ZNF431: variants seen among roughly 807,000 people sequenced by gnomAD.
ZNF431 encodes zinc finger protein 431.
Under a neutral mutation model 57.0 loss-of-function variants are expected in ZNF431, and 34 were observed. The ratio of observed to expected loss-of-function variants is 0.60; its 90% CI spans 0.45 to 0.79. The LOEUF (loss-of-function observed/expected upper bound fraction) is 0.79. ZNF431 is among the 30% of genes least tolerant of loss of function. The pLI is 0.00. For synonymous variants in ZNF431, 207 were observed against 220.3 expected (o/e 0.94, Z 0.54); for missense variants, 607 against 667.1 (o/e 0.91, Z 0.99).
chr19:21,147,218 G>A (rs748710357), intron 2 of ZNF431, among the ~76,000 whole-genome samples: 2 of 152,172 alleles, frequency 1.3e-5, no homozygotes, highest in Non-Finnish European at 2.9e-5. Context: ...TGGGCACAGT[G>A]GCTCCTGCCT....
chr19:21,185,501 C>G lies in ZNF431; in HGVS notation c.*1467C>G, dbSNP rs1355244981. 1 of 152,220 alleles carries G rather than the reference C, an allele frequency of 6.6e-6. No individual in the cohort carries two copies. 9.4% of individuals were successfully genotyped at this position (152,220 alleles called of 1,614,324 possible). A position where few individuals can be genotyped will look rare whatever the true frequency, so the allele number is the denominator to read the frequency against. ...TTTGAGACTGAGTTTCACTCTTTCG[C>G]CCAGGCTGGAGTGCATTGGCATGAT... On this transcript the variant is annotated 3_prime_UTR_variant, in exon 5 of 5. Transcript: ENST00000311048.
At chr19:21,143,463 T>C in intron 1 of ZNF431, 88 bp from the exon 2 acceptor site, 1 of 1,036,482 alleles carries the variant, frequency 9.6e-7, no homozygotes, top group Admixed American at 1.9e-5. Flanking sequence ...GTTTCAGTGC[T>C]GTCTGGGGAT....
At chr19:21,156,923 C>T (rs780095763) in intron 2 of ZNF431, among the ~76,000 whole-genome samples, 11 of 152,076 alleles carry the variant, frequency 7.2e-5, no homozygotes, top group African/African-American at 1.2e-4. Flanking sequence ...TACATCCATG[C>T]ACCACCATGC....
intron 2 of ZNF431, among the ~76,000 whole-genome samples, chr19:21,156,516 T>C (rs1168837801): frequency 2.0e-5 from 3 of 152,184 alleles, no homozygotes; most frequent in Non-Finnish European, 4.4e-5. Context: ...TGATCCTTTT[T>C]GTCCTTTCGT....
At chr19:21,149,580 C>CT (rs34768153) in intron 2 of ZNF431, 153,606 of 197,822 alleles carry the variant, frequency 0.78, 59,845 homozygotes, top group Middle Eastern at 0.86. Flanking sequence ...CAATTTCTTT[C>CT]TTTTTTTTGA....
rs1455215035 is a variant in ZNF431, at chr19:21,162,145, TGTGTGTG to T, written c.97-4189_97-4183del. On this transcript the variant is annotated intron_variant, in intron 2 of 4. Coordinates refer to ENST00000311048, the MANE Select transcript of ZNF431 (RefSeq NM_133473.4). ...GTGCCTGTCACCACATCCAGCTAAT[TGTGTGTG>T]TGTGTGTGTGTGTGTGTGTGTGTGT... 2.7e-3 allele frequency among the ~76,000 whole-genome samples: 344 copies of T among 125,328 alleles called. 2 individuals are homozygous for T. The highest frequency in any genetic ancestry group is 5.4e-3 in the African/African-American group (166 of 30,778). 82.2% of individuals were successfully genotyped at this position (125,328 alleles called of 152,430 possible).
At chr19:21,167,434 C>G (rs1188815014) in intron 3 of ZNF431, 137 bp from the exon 4 acceptor site, 30 of 447,958 alleles carry the variant, frequency 6.7e-5, no homozygotes, top group Non-Finnish European at 8.4e-5. Context: ...GCTGAGATAA[C>G]AGGTGTGAGC....
At position 21,166,324 on chromosome 19, in the gene ZNF431, G is replaced by A. The variant is rs755472025; in HGVS notation, c.97-11G>A. 1 of 1,611,656 alleles carries A rather than the reference G, an allele frequency of 6.2e-7. No individual in the cohort carries two copies. Among genetic ancestry groups the A allele is most frequent in the Admixed American group, 1.7e-5 (1 of 59,432 alleles). On this transcript the variant is annotated splice_polypyrimidine_tract_variant and intron_variant, in intron 2 of 4. Transcript: ENST00000311048. Reference sequence around the variant, plus strand: ...TAAATATATGTGTGTCTCTGTGCTTGTGTTTTTCAGGAGACATTGACATTT... The same window carrying A: ...TAAATATATGTGTGTCTCTGTGCTTATGTTTTTCAGGAGACATTGACATTT...
At position 21,167,643 on chromosome 19, in the gene ZNF431, A is replaced by G; in HGVS notation, c.296A>G (p.His99Arg). 4 of 1,587,082 alleles carry G rather than the reference A, an allele frequency of 2.5e-6. No individual in the cohort carries two copies. The highest frequency in any genetic ancestry group is 2.2e-5 in the South Asian group (2 of 89,318). ...AAAGAGCCCTGGAATATGAAGAGAC[A>G]TGAGATGGTGGATGAACCCCCAGGT... The part of the protein sequence containing the change: ...QEKEPWNMKR[H>R]EMVDEPPAMC... The change falls in exon 4 of 5, where the codon CAT (histidine) becomes CGT (arginine). Residue 99 changes from histidine (H) to arginine (R), a missense_variant. By Grantham distance (29) the His-to-Arg change is conservative. Coordinates refer to ENST00000311048, the MANE Select transcript of ZNF431 (RefSeq NM_133473.4).
intron 2 of ZNF431, chr19:21,150,047 G>T: frequency 1.6e-6 from 1 of 608,376 alleles, no homozygotes. Context: ...AAGGACACGT[G>T]GTCTCTTAAT....
rs1332638392 is a variant in ZNF431 at position 21,193,793 on chromosome 19, A to C, written c.*9759A>C. On this transcript the variant is annotated 3_prime_UTR_variant, in exon 5 of 5. Transcript: ENST00000311048. ...ACAATTAAAAGCAAAAATTTATATG[A>C]TTAACACAATAGATGCAGAAAAAGC... The C allele has an allele frequency of 6.6e-6, 1 of 152,230 alleles. No individual in the cohort carries two copies. The highest frequency in any genetic ancestry group is 1.5e-5 in the Non-Finnish European group (1 of 68,044). The allele number at this position is 152,230 out of a possible 1,614,324, so 9.4% of individuals were successfully genotyped here.
chr19:21,185,857 A>G lies in ZNF431; in HGVS notation c.*1823A>G, dbSNP rs1349858441. The G allele has an allele frequency of 7.3e-5, 11 of 150,328 alleles. No individual in the cohort carries two copies. The highest frequency in any genetic ancestry group is 2.6e-4 in the Admixed American group (4 of 15,174). The allele number at this position is 150,328 out of a possible 1,614,324, so 9.3% of individuals were successfully genotyped here. A position where few individuals can be genotyped will look rare whatever the true frequency, so the allele number is the denominator to read the frequency against. ...GCATTTCTCCTTTGTTTTACAAACA[A>G]TCCAATTCTACACTTTAAAAAAAAA... On this transcript the variant is annotated 3_prime_UTR_variant, in exon 5 of 5. Coordinates refer to ENST00000311048, the MANE Select transcript of ZNF431 (RefSeq NM_133473.4).
At chr19:21,142,443 C>G (rs760395238) in intron 1 of ZNF431, among the ~76,000 whole-genome samples, 1 of 152,216 alleles carries the variant, frequency 6.6e-6, no homozygotes, top group African/African-American at 2.4e-5. Flanking sequence ...CAGCTCTGCA[C>G]CCGCAGCACC....
At position 21,194,389 on chromosome 19, in the gene ZNF431, A is replaced by G. The variant is rs1016540318; in HGVS notation, c.*10355A>G. ...ATAAAAAAGCTTTCTATGCTCATGGATTTGAAGAATGAATAGAAAATGTCT... is the reference window on the plus strand; with the variant it reads ...ATAAAAAAGCTTTCTATGCTCATGGGTTTGAAGAATGAATAGAAAATGTCT... On this transcript the variant is annotated 3_prime_UTR_variant, in exon 5 of 5. Coordinates refer to ENST00000311048, the MANE Select transcript of ZNF431 (RefSeq NM_133473.4). The G allele has an allele frequency of 2.0e-5, 3 of 152,206 alleles. No homozygotes were observed. Among genetic ancestry groups the G allele is most frequent in the Non-Finnish European group, 4.4e-5 (3 of 68,036 alleles). The allele number at this position is 152,206 out of a possible 1,614,324, so 9.4% of individuals were successfully genotyped here. A position where few individuals can be genotyped will look rare whatever the true frequency, so the allele number is the denominator to read the frequency against.
intron 4 of ZNF431, among the ~76,000 whole-genome samples, chr19:21,181,142 A>G (rs71339741): frequency 0.025 from 3,796 of 152,234 alleles, 69 homozygotes; most frequent in Non-Finnish European, 0.037. Context: ...TTATAATGCT[A>G]AGAAATTCCA....
At position 21,192,940 on chromosome 19, in the gene ZNF431, T is replaced by C. The variant is rs1015774233; in HGVS notation, c.*8906T>C. On this transcript the variant is annotated 3_prime_UTR_variant, in exon 5 of 5. Coordinates refer to ENST00000311048, the MANE Select transcript of ZNF431 (RefSeq NM_133473.4). ...AGTCAGAGACTACTATGAACATCTC[T>C]ATGCCTGCAAAATAGAAAATTTGGA... is the stretch of plus-strand genomic sequence containing the variant. 1 of 152,204 alleles carries C rather than the reference T, an allele frequency of 6.6e-6. No homozygotes were observed. Among genetic ancestry groups the C allele is most frequent in the Non-Finnish European group, 1.5e-5 (1 of 68,038 alleles). The allele number at this position is 152,204 out of a possible 1,614,324, so 9.4% of individuals were successfully genotyped here.
In ZNF431 at chr19:21,184,147, C is replaced by T. The variant is rs536880512; in HGVS notation, c.*113C>T. ...TGGGTGGATCACAAGGTCAAGAGAT[C>T]GAGACCATCCTGGCCAACATGGTGA... On this transcript the variant is annotated 3_prime_UTR_variant, in exon 5 of 5. Coordinates refer to ENST00000311048, the MANE Select transcript of ZNF431 (RefSeq NM_133473.4). 1,569 of 889,116 alleles carry T rather than the reference C, an allele frequency of 1.8e-3. 1 individual carries two copies. Among genetic ancestry groups the T allele is most frequent in the Non-Finnish European group, 2.1e-3 (1,239 of 594,042 alleles). The allele number at this position is 889,116 out of a possible 1,614,324, so 55.1% of individuals were successfully genotyped here.
Position 21,190,268 on chromosome 19 carries a change from GTTTA to G in ZNF431, c.*6237_*6240del, listed in dbSNP as rs1971480652. On this transcript the variant is annotated 3_prime_UTR_variant, in exon 5 of 5. Transcript: ENST00000311048. The stretch of plus-strand genomic sequence containing the variant: ...TTATTTACTCATTAGATGTTGAACT[GTTTA>G]TTCTGTATTTTGGCTATTGTGAAAC... 1 of 167,018 alleles carries G rather than the reference GTTTA, an allele frequency of 6.0e-6. No individual in the cohort carries two copies. Among genetic ancestry groups the G allele is most frequent in the Non-Finnish European group, 1.3e-5 (1 of 78,074 alleles). 10.3% of individuals were successfully genotyped at this position (167,018 alleles called of 1,614,324 possible).
At position 21,191,564 on chromosome 19, in the gene ZNF431, G is replaced by A. The variant is rs1469183168; in HGVS notation, c.*7530G>A. On this transcript the variant is annotated 3_prime_UTR_variant, in exon 5 of 5. Coordinates refer to ENST00000311048, the MANE Select transcript of ZNF431 (RefSeq NM_133473.4). ...TTACATTTAAGTACTAATTTATTTC[G>A]AGTTTATTTTTACATATGGTGTGAG... 6.6e-6 allele frequency: 1 copy of A among 151,992 alleles called. No individual in the cohort carries two copies. 9.4% of individuals were successfully genotyped at this position (151,992 alleles called of 1,614,324 possible). A position where few individuals can be genotyped will look rare whatever the true frequency, so the allele number is the denominator to read the frequency against.
Sources: allele counts gnomAD v4.1 joint callset (sites outside exome capture counted in the v4.1 genomes callset), GRCh38; gene constraint gnomAD v4.1.1; transcripts MANE v1.5; gene names NCBI Gene and HGNC (gene_info 2026-07-23, HGNC 2026-07-21).